Variants in SGCZ observed in about 807,000 individuals in gnomAD.
SGCZ encodes zeta-sarcoglycan.
In SGCZ, 40 loss-of-function variants were observed where a neutral mutation model predicts 41.3. That is an observed-to-expected ratio of 0.97 (90% CI 0.75 to 1.26). The LOEUF is 1.26. Among genes scored for constraint, SGCZ ranks in the 50% most tolerant of loss-of-function variants. The probability of loss-of-function intolerance (pLI) is 0.00; values close to 1 mark genes in which losing one functional copy is unlikely to be tolerated. For synonymous variants in SGCZ, 206 were observed against 137.5 expected, an observed-to-expected ratio of 1.50 and a Z score of -3.49; for missense variants, 552 against 369.8, an observed-to-expected ratio of 1.49 and a Z score of -4.04.
intron 1 of SGCZ, among the ~76,000 whole-genome samples, chr8:14,844,855 G>A (rs1347131462): frequency 6.6e-6 from 1 of 152,118 alleles, no homozygotes; most frequent in African/African-American, 2.4e-5. Context: ...CTGAAAGACT[G>A]GAAACATACA....
intron 3 of SGCZ, among the ~76,000 whole-genome samples, chr8:14,271,180 T>C (rs1056182056): frequency 4.6e-5 from 7 of 151,792 alleles, no homozygotes; most frequent in Non-Finnish European, 8.8e-5. Flanking sequence ...ACATGTACCG[T>C]AAAACTTAAA....
At chr8:14,454,614 A>G (rs182747801) in intron 2 of SGCZ, among the ~76,000 whole-genome samples, 1 of 152,304 alleles carries the variant, frequency 6.6e-6, no homozygotes, top group East Asian at 1.9e-4. Flanking sequence ...GAAATATGTG[A>G]AGGAAAATTT....
intron 1 of SGCZ, among the ~76,000 whole-genome samples, chr8:14,589,065 T>C (rs576922730): frequency 6.6e-6 from 1 of 152,344 alleles, no homozygotes; most frequent in African/African-American, 2.4e-5. Context: ...TTGTTCAATG[T>C]AGCACACTGA....
intron 1 of SGCZ, among the ~76,000 whole-genome samples, chr8:15,095,097 T>C (rs1806292708): frequency 6.6e-6 from 1 of 152,250 alleles, no homozygotes; most frequent in East Asian, 1.9e-4. Flanking sequence ...AAACATTTTA[T>C]TTTATCTTAT....
chr8:14,328,686 T>C (rs953567189), intron 2 of SGCZ, among the ~76,000 whole-genome samples: 1 of 152,202 alleles, frequency 6.6e-6, no homozygotes, highest in African/African-American at 2.4e-5. Flanking sequence ...CATATCATTA[T>C]AGTTATGATA....
intron 1 of SGCZ, among the ~76,000 whole-genome samples, chr8:14,798,650 C>A (rs1179140568): frequency 1.3e-5 from 2 of 151,934 alleles, no homozygotes; most frequent in Non-Finnish European, 1.5e-5. Flanking sequence ...GTCTGTTTAA[C>A]AATAATTTTA....
At chr8:14,140,329 G>C (rs977158921) in intron 5 of SGCZ, among the ~76,000 whole-genome samples, 16 of 152,072 alleles carry the variant, frequency 1.1e-4, no homozygotes, top group Admixed American at 2.0e-4. Context: ...GGGAAATCAG[G>C]CAGGAGAAAG....
chr8:14,735,138 A>G (rs992079004), intron 1 of SGCZ, among the ~76,000 whole-genome samples: 1 of 152,176 alleles, frequency 6.6e-6, no homozygotes, highest in Non-Finnish European at 1.5e-5. Context: ...ATGCTTTCTC[A>G]GGAGGAAAAT....
chr8:14,901,037 A>G (rs1194848615), intron 1 of SGCZ, among the ~76,000 whole-genome samples: 2 of 152,208 alleles, frequency 1.3e-5, no homozygotes, highest in Admixed American at 6.6e-5. Flanking sequence ...TTCTAATAAC[A>G]TATCATTTCT....
chr8:15,233,085 T>C (rs866772581), intron 1 of SGCZ, among the ~76,000 whole-genome samples: 1 of 152,018 alleles, frequency 6.6e-6, no homozygotes, highest in South Asian at 2.1e-4. Context: ...AAAGAAGTTA[T>C]GATTCCTTTA....
intron 4 of SGCZ, among the ~76,000 whole-genome samples, chr8:14,191,718 G>A (rs1257218384): frequency 6.6e-6 from 1 of 152,152 alleles, no homozygotes; most frequent in East Asian, 1.9e-4. Context: ...GTAAAGAGAA[G>A]AGAGAAACTA....
chr8:14,246,826 C>G (rs1799111269), intron 3 of SGCZ, among the ~76,000 whole-genome samples: 2 of 143,988 alleles, frequency 1.4e-5, no homozygotes, highest in South Asian at 4.4e-4. Flanking sequence ...AGTAGAATGG[C>G]ATGAACCCGG....
intron 2 of SGCZ, among the ~76,000 whole-genome samples, chr8:14,488,586 G>A (rs796902450): frequency 9.5e-5 from 14 of 146,656 alleles, no homozygotes; most frequent in South Asian, 2.2e-4. Flanking sequence ...CCATTGAAAT[G>A]TAATCATCTA....
At chr8:14,296,632 A>G (rs146809656) in intron 3 of SGCZ, among the ~76,000 whole-genome samples, 69 of 152,150 alleles carry the variant, frequency 4.5e-4, no homozygotes, top group Non-Finnish European at 8.7e-4. Flanking sequence ...ATACAGACCC[A>G]TACAATGTTA....
chr8:14,157,366 G>C (rs1220248649), intron 5 of SGCZ, among the ~76,000 whole-genome samples: 4 of 80,958 alleles, frequency 4.9e-5, no homozygotes, highest in Non-Finnish European at 7.0e-5. Context: ...GTGTGTGTGA[G>C]TGTGTGTGTG....
At chr8:14,119,756 G>T (rs900102865) in intron 5 of SGCZ, among the ~76,000 whole-genome samples, 3 of 151,946 alleles carry the variant, frequency 2.0e-5, no homozygotes, top group African/African-American at 7.3e-5. Flanking sequence ...AGTTTGTTGA[G>T]AGTTTTTAGC....
chr8:14,634,500 C>A (rs929463375), intron 1 of SGCZ, among the ~76,000 whole-genome samples: 4 of 151,694 alleles, frequency 2.6e-5, no homozygotes, highest in African/African-American at 9.7e-5. Flanking sequence ...CAGAAAAATA[C>A]TAAAATAAAA....
At chr8:14,221,411 G>A (rs983106903) in intron 4 of SGCZ, among the ~76,000 whole-genome samples, 2 of 152,196 alleles carry the variant, frequency 1.3e-5, no homozygotes, top group Non-Finnish European at 1.5e-5. Flanking sequence ...TTTTTGCTGT[G>A]TTGTGTATCC....
chr8:14,748,362 G>T (rs2130307403), intron 1 of SGCZ, among the ~76,000 whole-genome samples: 1 of 152,220 alleles, frequency 6.6e-6, no homozygotes, highest in Admixed American at 6.5e-5. Flanking sequence ...GAGGCAATAT[G>T]GTGGCATGAA....
Sources: gnomAD v4.1 joint callset for allele counts (sites outside exome capture counted in the v4.1 genomes callset) on GRCh38, gnomAD v4.1.1 for gene constraint, MANE v1.5 for transcripts, NCBI Gene and HGNC (gene_info 2026-07-23, HGNC 2026-07-21) for gene names.